The following MDN1 variants were observed in gnomAD, a reference collection of about 807,000 sequenced individuals.
MDN1 encodes midasin.
Under a neutral mutation model 669.2 loss-of-function variants are expected in MDN1, and 266 were observed. The ratio of observed to expected loss-of-function variants is 0.40; its 90% confidence interval spans 0.36 to 0.44. The LOEUF is 0.44. MDN1 is among the 20% of genes least tolerant of loss of function. The pLI is 1.00. For missense variants in MDN1, 5,940 were observed against 6,754.0 expected (o/e 0.88, Z 4.22); for synonymous variants, 2,385 against 2,457.1 (o/e 0.97, Z 0.87).
chr6:89,662,389 G>T, intron 86 of MDN1, 150 bp from the exon 87 acceptor site: 1 of 737,638 alleles, frequency 1.4e-6, no homozygotes, highest in Non-Finnish European at 2.2e-6. Flanking sequence ...AGAGAAAACA[G>T]TGCAGGTCTC....
intron 15 of MDN1, among the ~76,000 whole-genome samples, chr6:89,770,536 A>C (rs1477077688): frequency 1.3e-5 from 2 of 152,124 alleles, no homozygotes; most frequent in Non-Finnish European, 2.9e-5. Flanking sequence ...GTAAAATAAA[A>C]CCAAGGTAGA....
At chr6:89,767,142 A>G in intron 15 of MDN1, among the ~76,000 whole-genome samples, 1 of 152,002 alleles carries the variant, frequency 6.6e-6, no homozygotes, top group South Asian at 2.1e-4. Context: ...TTTTTCAAGG[A>G]TTATCTTTGG....
intron 40 of MDN1, among the ~76,000 whole-genome samples, chr6:89,719,560 T>C (rs528765070): frequency 2.6e-5 from 4 of 152,326 alleles, no homozygotes; most frequent in South Asian, 4.1e-4. Context: ...TCATTGAAGA[T>C]ACTACCTAAA....
intron 40 of MDN1, among the ~76,000 whole-genome samples, chr6:89,720,459 T>C (rs1814742004): frequency 6.6e-6 from 1 of 152,020 alleles, no homozygotes; most frequent in Admixed American, 6.6e-5. Flanking sequence ...AAAATCAAAA[T>C]TCCATTCAAC....
chr6:89,743,495 G>C (rs1816402542), intron 30 of MDN1, 81 bp downstream of exon 30: 2 of 1,504,840 alleles, frequency 1.3e-6, no homozygotes, highest in East Asian at 2.3e-5. Flanking sequence ...CCAGAACCCA[G>C]CTCCAGAAAC....
intron 20 of MDN1, among the ~76,000 whole-genome samples, chr6:89,755,379 C>CAAAAAA (rs143855867): frequency 1.6e-5 from 2 of 121,238 alleles, no homozygotes; most frequent in Non-Finnish European, 3.4e-5. Context: ...CTCCTGTATC[C>CAAAAAA]AAAAAAAAAA....
At chr6:89,736,530 G>C (rs1451120272) in intron 33 of MDN1, among the ~76,000 whole-genome samples, 1 of 152,112 alleles carries the variant, frequency 6.6e-6, no homozygotes, top group Non-Finnish European at 1.5e-5. Context: ...TCTGGCTCCT[G>C]CCTAGTTCCC....
Position 89,735,056 on chromosome 6 carries a change from A to G in MDN1, c.4724-2281T>C, listed in dbSNP as rs1462245598. ...CAGGCGCCTGCCACAACGCCCAGCTAATTTTTGTATTTTTAGTAGAGACGG... is the reference window on the plus strand; with the variant it reads ...CAGGCGCCTGCCACAACGCCCAGCTGATTTTTGTATTTTTAGTAGAGACGG... On this transcript the variant is annotated intron_variant, in intron 33 of 101. Transcript: ENST00000369393. Among the ~76,000 whole-genome samples, 13 of 151,990 alleles carry G rather than the reference A, an allele frequency of 8.6e-5. No homozygotes were observed. The East Asian group carries it at 2.3e-3, about 27-fold the overall frequency.
chr6:89,773,719 C>T (rs779580844), intron 13 of MDN1, among the ~76,000 whole-genome samples: 2 of 151,824 alleles, frequency 1.3e-5, no homozygotes, highest in African/African-American at 2.4e-5. Context: ...AATCCCAGCA[C>T]TTTGGGAGGT....
intron 22 of MDN1, 37 bp downstream of exon 22, chr6:89,753,475 T>C: frequency 6.7e-7 from 1 of 1,491,028 alleles, no homozygotes; most frequent in African/African-American, 1.4e-5. Context: ...ATTCAGCCTT[T>C]CAAGTGTAAC....
At chr6:89,743,095 A>G (rs1453287954) in intron 31 of MDN1, 55 bp downstream of exon 31, 2 of 1,598,748 alleles carry the variant, frequency 1.3e-6, no homozygotes, top group East Asian at 2.2e-5. Flanking sequence ...GGGAGAAAAA[A>G]AAAAATCACA....
Position 89,673,441 on chromosome 6 carries a change from A to G in MDN1, c.13269T>C (p.Ser4423=). ...FHSWKDFEVC[S]SALSCLSQVS... Reference sequence around the variant, plus strand: ...CCTGGGACAAGCAACTCAGCGCAGAAGAGCAAACTTCAAAATCTTTCCTGC... The same window carrying G: ...CCTGGGACAAGCAACTCAGCGCAGAGGAGCAAACTTCAAAATCTTTCCTGC... The change falls in exon 80 of 102, where the codon TCT becomes TCC. Residue 4423 remains serine, a synonymous_variant. Transcript: ENST00000369393. 6.2e-7 allele frequency: 1 copy of G among 1,614,216 alleles called. No individual in the cohort carries two copies. Among genetic ancestry groups the G allele is most frequent in the East Asian group, 2.2e-5 (1 of 44,878 alleles).
In MDN1 at chr6:89,658,749, G is replaced by C. The variant is rs1809511273; in HGVS notation, c.14882C>G (p.Ala4961Gly). 1 of 1,614,120 alleles carries C rather than the reference G, an allele frequency of 6.2e-7. No individual in the cohort carries two copies. The highest frequency in any genetic ancestry group is 8.5e-7 in the Non-Finnish European group (1 of 1,180,016). ...AGCAGCATCTCCATCTTGGTCATCA[G>C]CTCCTGTGTCCATTTCCTCTTCCCC... is the stretch of plus-strand genomic sequence containing the variant. ...AEGEEEMDTG[A>G]DDQDGDAAQH... The change falls in exon 89 of 102, where the codon GCT becomes GGT. Residue 4961 changes from alanine to glycine, a missense_variant. Coordinates refer to ENST00000369393, the MANE Select transcript of MDN1 (RefSeq NM_014611.3).
chr6:89,655,822 A>C lies in MDN1; in HGVS notation c.15432T>G (p.Asp5144Glu). Residue 5144 changes from aspartate to glutamate, a missense_variant, in exon 92 of 102, where the codon GAT (aspartate) becomes GAG (glutamate). Physicochemically the swap from Asp to Glu is conservative, Grantham distance 45. Coordinates refer to ENST00000369393, the MANE Select transcript of MDN1 (RefSeq NM_014611.3). ...PAQQPQAQVE[D>E]ADAFEHIKQG... Reference sequence around the variant, plus strand: ...GTTTAATGTGCTCGAATGCATCTGCATCCTCCACCTGGGCCTGGGGCTGCT... The same window carrying C: ...GTTTAATGTGCTCGAATGCATCTGCCTCCTCCACCTGGGCCTGGGGCTGCT... The C allele has an allele frequency of 6.2e-7, 1 of 1,613,992 alleles. No individual in the cohort carries two copies. The highest frequency in any genetic ancestry group is 1.1e-5 in the South Asian group (1 of 91,010).
At chr6:89,706,438 T>C (rs1166244091) in intron 52 of MDN1, among the ~76,000 whole-genome samples, 1 of 152,144 alleles carries the variant, frequency 6.6e-6, no homozygotes, top group Non-Finnish European at 1.5e-5. Context: ...TCTTTGCATA[T>C]ACATAATGAG....
In MDN1 at chr6:89,686,056, T is replaced by C. The variant is rs1473119036; in HGVS notation, c.11573-83A>G. The C allele has an allele frequency of 1.0e-5, 14 of 1,386,938 alleles. No individual in the cohort carries two copies. In the Admixed American group the frequency reaches 2.6e-4, roughly 26 times the overall value. 85.9% of individuals were successfully genotyped at this position (1,386,938 alleles called of 1,614,324 possible). On this transcript the variant is annotated intron_variant, in intron 69 of 101. Coordinates refer to ENST00000369393, the MANE Select transcript of MDN1 (RefSeq NM_014611.3). Reference sequence around the variant, plus strand: ...TAACATGCACGCAATCTATTTGGGATACTACGGATGGCCAAGAGGTAGACA... The same window carrying C: ...TAACATGCACGCAATCTATTTGGGACACTACGGATGGCCAAGAGGTAGACA...
At chr6:89,659,502 G>A (rs1310751102) in intron 88 of MDN1, among the ~76,000 whole-genome samples, 1 of 152,198 alleles carries the variant, frequency 6.6e-6, no homozygotes, top group East Asian at 1.9e-4. Context: ...GAGAGCTTAT[G>A]GTCTGCAAAG....
intron 99 of MDN1, among the ~76,000 whole-genome samples, chr6:89,646,817 A>C (rs558323672): frequency 1.2e-4 from 18 of 152,134 alleles, no homozygotes; most frequent in Non-Finnish European, 2.5e-4. Flanking sequence ...ATTTTTTGAG[A>C]GAGGGTCTCA....
intron 15 of MDN1, among the ~76,000 whole-genome samples, chr6:89,764,904 C>T (rs1431230152): frequency 6.6e-6 from 1 of 152,142 alleles, no homozygotes; most frequent in Non-Finnish European, 1.5e-5. Context: ...AGTGGAGGAA[C>T]CTGAGGAAGA....
Sources: gnomAD v4.1 joint callset for allele counts (sites outside exome capture counted in the v4.1 genomes callset) on GRCh38, gnomAD v4.1.1 for gene constraint, MANE v1.5 for transcripts, NCBI Gene and HGNC (gene_info 2026-07-23, HGNC 2026-07-21) for gene names.